Variants in AIG1 observed in about 807,000 individuals in gnomAD.
The protein encoded by AIG1 is androgen-induced gene 1 protein.
Under a neutral mutation model 31.4 loss-of-function variants are expected in AIG1, and 23 were observed. The ratio of observed to expected loss-of-function variants is 0.73; its 90% CI spans 0.53 to 1.04. The LOEUF (loss-of-function observed/expected upper bound fraction) is 1.04, where lower values mean the gene tolerates loss of function less well. AIG1 is among the 50% of genes least tolerant of loss of function. AIG1 has a pLI of 0.00. For synonymous variants in AIG1, 100 were observed against 110.5 expected, an observed-to-expected ratio of 0.90 and a Z score of 0.60; for missense variants, 274 against 295.0, an observed-to-expected ratio of 0.93 and a Z score of 0.52.
At chr6:143,301,686 G>C (rs1798835164) in intron 4 of AIG1, among the ~76,000 whole-genome samples, 1 of 152,048 alleles carries the variant, frequency 6.6e-6, no homozygotes. Context: ...ACTATCAAAA[G>C]AACAGCATGG....
Position 143,202,126 on chromosome 6 carries a change from C to T in AIG1, c.399+36943C>T, listed in dbSNP as rs1322487930. Reference sequence around the variant, plus strand: ...TCTCTTATATCGTGTTGCCGAGAAACGACTTCTGGATTTCTTCTTCCTCTC... The same window carrying T: ...TCTCTTATATCGTGTTGCCGAGAAATGACTTCTGGATTTCTTCTTCCTCTC... On this transcript the variant is annotated intron_variant, in intron 3 of 5. Coordinates refer to ENST00000357847, the MANE Select transcript of AIG1 (RefSeq NM_016108.4). Among the ~76,000 whole-genome samples, 10 of 152,128 alleles carry T rather than the reference C, an allele frequency of 6.6e-5. No homozygotes were observed. The East Asian group carries it at 1.2e-3, about 18-fold the overall frequency.
In AIG1 at chr6:143,318,105, T is replaced by G. The variant is rs11961601; in HGVS notation, c.516-15177T>G. Among the ~76,000 whole-genome samples, 904 of 152,102 alleles carry G rather than the reference T, an allele frequency of 5.9e-3. 6 individuals carry two copies. The highest frequency in any genetic ancestry group is 0.019 in the African/African-American group (784 of 41,464). The stretch of plus-strand genomic sequence containing the variant: ...ATCTATAAATTCAAGGCAATTTCCA[T>G]CAAAATACCACCATCATTATTCACA... On this transcript the variant is annotated intron_variant, in intron 4 of 5. Transcript: ENST00000357847.
intron 1 of AIG1, among the ~76,000 whole-genome samples, chr6:143,085,455 G>T (rs759881988): frequency 6.6e-6 from 1 of 152,172 alleles, no homozygotes; most frequent in Non-Finnish European, 1.5e-5. Flanking sequence ...GGTCCAGGCT[G>T]CTGGATTCTA....
intron 4 of AIG1, among the ~76,000 whole-genome samples, chr6:143,313,526 G>A (rs1306582808): frequency 6.6e-6 from 1 of 152,122 alleles, no homozygotes; most frequent in Non-Finnish European, 1.5e-5. Context: ...TATGGAGATA[G>A]GTAGTGGAAG....
intron 1 of AIG1, among the ~76,000 whole-genome samples, chr6:143,080,574 C>A (rs1778152408): frequency 6.6e-6 from 1 of 151,798 alleles, no homozygotes. Flanking sequence ...ACTGGTAGTA[C>A]AGCAGCATAC....
At chr6:143,130,313 T>G (rs1715164224) in intron 1 of AIG1, among the ~76,000 whole-genome samples, 1 of 152,052 alleles carries the variant, frequency 6.6e-6, no homozygotes. Context: ...AAATCTAAGG[T>G]CTCACAAAGA....
intron 3 of AIG1, among the ~76,000 whole-genome samples, chr6:143,166,206 T>A (rs910339440): frequency 6.6e-6 from 1 of 152,140 alleles, no homozygotes; most frequent in South Asian, 2.1e-4. Flanking sequence ...TCTCAGAGAA[T>A]TGGATTTTTT....
intron 3 of AIG1, among the ~76,000 whole-genome samples, chr6:143,261,594 A>T (rs1469216819): frequency 6.6e-6 from 1 of 152,240 alleles, no homozygotes; most frequent in African/African-American, 2.4e-5. Context: ...TCTATTAAAA[A>T]GCATATATAA....
At chr6:143,173,491 A>C (rs1420482606) in intron 3 of AIG1, among the ~76,000 whole-genome samples, 2 of 151,746 alleles carry the variant, frequency 1.3e-5, no homozygotes, top group African/African-American at 4.8e-5. Context: ...GTCTATTTGC[A>C]CTCTTTCAGA....
chr6:143,191,475 C>A (rs962471151), intron 3 of AIG1, among the ~76,000 whole-genome samples: 1 of 152,066 alleles, frequency 6.6e-6, no homozygotes, highest in African/African-American at 2.4e-5. Flanking sequence ...AGAAAAAAAA[C>A]TTACTTGTCA....
Position 143,339,674 on chromosome 6 carries a change from T to G in AIG1, c.715T>G (p.Ter239GlyextTer14). Residue 239 changes from the stop codon to glycine, a stop_lost, in exon 6 of 6, where the codon TGA becomes GGA. Coordinates refer to ENST00000357847, the MANE Select transcript of AIG1 (RefSeq NM_016108.4). ...EEEKEKPKLE[*>G] Reference sequence around the variant, plus strand: ...AGAGAAAGAAAAGCCTAAATTGGAATGAGATCCAAGTCTAAACGCAAGAGC... The same window carrying G: ...AGAGAAAGAAAAGCCTAAATTGGAAGGAGATCCAAGTCTAAACGCAAGAGC... 1 of 1,613,312 alleles carries G rather than the reference T, an allele frequency of 6.2e-7. No individual in the cohort carries two copies. Among genetic ancestry groups the G allele is most frequent in the South Asian group, 1.1e-5 (1 of 90,968 alleles).
At chr6:143,094,909 G>A (rs957301499) in intron 1 of AIG1, among the ~76,000 whole-genome samples, 1 of 152,162 alleles carries the variant, frequency 6.6e-6, no homozygotes, top group Non-Finnish European at 1.5e-5. Context: ...ATTGAAAAAG[G>A]TGTAGTCTCA....
rs9376729 is a variant in AIG1, at chr6:143,198,701, C to A, written c.399+33518C>A. ...TAGTGGCAGATGGCCTACCACACCA[C>A]GTCTGCATTTAAGCCATTAGGAAAG... is the stretch of plus-strand genomic sequence containing the variant. On this transcript the variant is annotated intron_variant, in intron 3 of 5. Transcript: ENST00000357847. Among the ~76,000 whole-genome samples, 473 of 152,198 alleles carry A rather than the reference C, an allele frequency of 3.1e-3. 9 individuals are homozygous for A. In the East Asian group the frequency reaches 0.065, roughly 21 times the overall value.
At chr6:143,252,745 G>T (rs1272679923) in intron 3 of AIG1, among the ~76,000 whole-genome samples, 1 of 152,180 alleles carries the variant, frequency 6.6e-6, no homozygotes, top group Non-Finnish European at 1.5e-5. Flanking sequence ...ATCATTTCAC[G>T]ATTTCTGTAG....
At chr6:143,061,144 G>GTGTGGA in intron 1 of AIG1, 78 bp downstream of exon 1, 3 of 1,535,446 alleles carry the variant, frequency 2.0e-6, no homozygotes, top group Non-Finnish European at 2.7e-6. Context: ...GTGTGTGTGT[G>GTGTGGA]TGTGGATGCG....
At chr6:143,259,559 C>T (rs562604614) in intron 3 of AIG1, among the ~76,000 whole-genome samples, 49 of 152,216 alleles carry the variant, frequency 3.2e-4, no homozygotes, top group African/African-American at 1.1e-3. Context: ...TTTAAATGAG[C>T]GTATTCACAA....
chr6:143,074,305 AGTAAATCATT>A (rs1348117136), intron 1 of AIG1, among the ~76,000 whole-genome samples: 1 of 152,234 alleles, frequency 6.6e-6, no homozygotes, highest in African/African-American at 2.4e-5. Flanking sequence ...CAAATAAATA[AGTAAATCATT>A]GCCAAGACCA....
rs2128720535 is a variant in AIG1, at chr6:143,328,236, A to G, written c.516-5046A>G. Among the ~76,000 whole-genome samples, 1 of 152,308 alleles carries G rather than the reference A, an allele frequency of 6.6e-6. No homozygotes were observed. The highest frequency in any genetic ancestry group is 2.4e-5 in the African/African-American group (1 of 41,576). ...CAGACTGCTGTGGGTGAAAGTGAGT[A>G]CAATGTACAGATATGGTGTCAGTGA... On this transcript the variant is annotated intron_variant, in intron 4 of 5. Transcript: ENST00000357847. This position sits in a 1 kb window ranked among gnomAD's most constrained non-coding sequence, Gnocchi z 4.0.
At chr6:143,277,165 C>T (rs1339113564) in intron 3 of AIG1, among the ~76,000 whole-genome samples, 2 of 152,098 alleles carry the variant, frequency 1.3e-5, no homozygotes, top group East Asian at 1.9e-4. Context: ...GAAATTTCTT[C>T]TTGCTTTATT....
Sources: gnomAD v4.1 joint callset for allele counts (sites outside exome capture counted in the v4.1 genomes callset) on GRCh38, gnomAD v4.1.1 for gene constraint, Gnocchi (gnomAD v3.1) non-coding constraint, MANE v1.5 for transcripts, NCBI Gene and HGNC (gene_info 2026-07-23, HGNC 2026-07-21) for gene names.